The following PDE8A variants were observed in gnomAD, a reference collection of about 807,000 sequenced individuals.
PDE8A encodes the protein phosphodiesterase 8A.
Under a neutral mutation model 105.0 loss-of-function variants are expected in PDE8A, and 59 were observed. That is an observed-to-expected ratio of 0.56 (90% CI 0.46 to 0.70). The LOEUF is 0.70. PDE8A is among the 30% of genes least tolerant of loss of function. The pLI is 0.00. For synonymous variants in PDE8A, 355 were observed against 371.9 expected (o/e 0.95, Z 0.52); for missense variants, 1,014 against 1,045.9 (o/e 0.97, Z 0.42).
At chr15:85,120,637 A>G in intron 17 of PDE8A, 160 bp from the exon 18 acceptor site, 1 of 573,838 alleles carries the variant, frequency 1.7e-6, no homozygotes, top group Non-Finnish European at 3.1e-6. Flanking sequence ...TAACTGTTTC[A>G]GGGTGGAGAT....
chr15:85,094,821 G>A (rs1012174831), intron 8 of PDE8A, among the ~76,000 whole-genome samples: 5 of 152,028 alleles, frequency 3.3e-5, no homozygotes, highest in African/African-American at 7.2e-5. Flanking sequence ...CTCCTTGTCC[G>A]GAATCCTCCA....
In PDE8A at chr15:85,097,908, T is replaced by C. The variant is rs748098663; in HGVS notation, c.853-40T>C. 4 of 1,135,206 alleles carry C rather than the reference T, an allele frequency of 3.5e-6. No individual in the cohort carries two copies. The African/African-American group carries it at 6.1e-5, about 17-fold the overall frequency. 70.3% of individuals were successfully genotyped at this position (1,135,206 alleles called of 1,614,324 possible). On this transcript the variant is annotated intron_variant, in intron 8 of 21. Coordinates refer to ENST00000394553, the MANE Select transcript of PDE8A (RefSeq NM_002605.3). ...TGGAAAATGTTCTTGGGTTTATGTT[T>C]TCAACACAAAGTATGACGATGCTTA...
rs1204467476 is a variant in PDE8A at position 85,113,992 on chromosome 15, AGAT to A, written c.1312_1314del (p.Asp438del). 1 of 1,613,974 alleles carries A rather than the reference AGAT, an allele frequency of 6.2e-7. No homozygotes were observed. The highest frequency in any genetic ancestry group is 1.3e-5 in the African/African-American group (1 of 74,934). Reference sequence around the variant, plus strand: ...TATATTCACCACAGTTTGGTGCTAAAGATGATGATCCCCATGCCAATGACCTTG... The same window carrying A: ...TATATTCACCACAGTTTGGTGCTAAAGATGATCCCCATGCCAATGACCTTG... On this transcript the variant is annotated inframe_deletion, in exon 14 of 22. Coordinates refer to ENST00000394553, the MANE Select transcript of PDE8A (RefSeq NM_002605.3).
chr15:85,136,166 G>A (rs1596554089), intron 20 of PDE8A, among the ~76,000 whole-genome samples: 4 of 152,206 alleles, frequency 2.6e-5, no homozygotes, highest in Admixed American at 2.6e-4. Context: ...CTCTAGGCCA[G>A]TAGCCTGTAA....
intron 5 of PDE8A, among the ~76,000 whole-genome samples, chr15:85,078,402 T>G (rs375414519): frequency 6.6e-6 from 1 of 151,464 alleles, no homozygotes; most frequent in South Asian, 2.1e-4. Context: ...AAAAATTAGC[T>G]GGGCATGGTG....
At chr15:85,118,348 C>T (rs2082128376) in intron 17 of PDE8A, among the ~76,000 whole-genome samples, 1 of 152,122 alleles carries the variant, frequency 6.6e-6, no homozygotes, top group Non-Finnish European at 1.5e-5. Context: ...CACTCCTCAA[C>T]CCCCCACATC....
chr15:85,051,784 G>A (rs1400169294), intron 1 of PDE8A, among the ~76,000 whole-genome samples: 1 of 152,068 alleles, frequency 6.6e-6, no homozygotes, highest in Non-Finnish European at 1.5e-5. Flanking sequence ...TGCAAAGGAC[G>A]TGATCGTTTT....
intron 1 of PDE8A, among the ~76,000 whole-genome samples, chr15:85,026,317 G>A (rs1444908486): frequency 1.3e-5 from 2 of 152,102 alleles, no homozygotes; most frequent in African/African-American, 4.8e-5. Context: ...CTCCACATCT[G>A]ATGTCTGGGC....
At chr15:85,130,411 A>G (rs753849480) in intron 20 of PDE8A, among the ~76,000 whole-genome samples, 4 of 152,094 alleles carry the variant, frequency 2.6e-5, no homozygotes, top group Non-Finnish European at 4.4e-5. Flanking sequence ...GTTTTGGTTC[A>G]TTTCACTGTT....
rs138337881 is a variant in PDE8A, at chr15:84,997,673, A to G, written c.186+15325A>G. 4.6e-3 allele frequency among the ~76,000 whole-genome samples: 695 copies of G among 152,056 alleles called. 10 individuals are homozygous for G. Among genetic ancestry groups the G allele is most frequent in the African/African-American group, 0.016 (661 of 41,442 alleles). ...AATGGTGCGATCTTGGCTCACCGCA[A>G]TCCCTGCCTCCCAGGTTCAAGCAAT... On this transcript the variant is annotated intron_variant, in intron 1 of 21. Coordinates refer to ENST00000394553, the MANE Select transcript of PDE8A (RefSeq NM_002605.3).
intron 3 of PDE8A, among the ~76,000 whole-genome samples, chr15:85,074,409 C>T (rs28522595): frequency 0.089 from 13,509 of 152,208 alleles, 1,664 homozygotes; most frequent in African/African-American, 0.28. Flanking sequence ...AAGACTGGGG[C>T]GGGGGCATTT....
At chr15:85,037,877 T>A (rs2080733051) in intron 1 of PDE8A, among the ~76,000 whole-genome samples, 1 of 152,264 alleles carries the variant, frequency 6.6e-6, no homozygotes. Flanking sequence ...ATAATCTCTA[T>A]GGAAACAAAG....
At chr15:85,083,093 A>G (rs987075835) in intron 5 of PDE8A, among the ~76,000 whole-genome samples, 1 of 152,228 alleles carries the variant, frequency 6.6e-6, no homozygotes, top group African/African-American at 2.4e-5. Context: ...CCCCCTGTGA[A>G]ATACAGGCGC....
In PDE8A at chr15:85,064,390, G is replaced by A. The variant is rs747082363; in HGVS notation, c.207G>A (p.Gln69=). The A allele has an allele frequency of 1.2e-6, 2 of 1,610,170 alleles. No individual in the cohort carries two copies. The highest frequency in any genetic ancestry group is 1.7e-5 in the Admixed American group (1 of 59,930). ...SGKKVAVADV[Q]FGPMRFHQDQ... ...TACAGGTAGCAGTAGCTGATGTGCA[G>A]TTTGGCCCCATGAGATTTCATCAAG... The change falls in exon 2 of 22, where the codon CAG becomes CAA. Residue 69 remains glutamine (Q), a synonymous_variant. Transcript: ENST00000394553.
intron 1 of PDE8A, among the ~76,000 whole-genome samples, chr15:85,007,282 A>G (rs1305815157): frequency 6.6e-6 from 1 of 151,886 alleles, no homozygotes; most frequent in African/African-American, 2.4e-5. Flanking sequence ...GCTTCTCAAC[A>G]CGATTCAGCA....
intron 1 of PDE8A, among the ~76,000 whole-genome samples, chr15:85,023,474 CTTTG>C (rs2080462475): frequency 6.6e-6 from 1 of 152,080 alleles, no homozygotes; most frequent in African/African-American, 2.4e-5. Context: ...GAGGGTTGGA[CTTTG>C]TTTGGAGACG....
chr15:85,018,910 T>G (rs987201458), intron 1 of PDE8A, among the ~76,000 whole-genome samples: 4 of 152,240 alleles, frequency 2.6e-5, no homozygotes, highest in African/African-American at 9.6e-5. Context: ...CCATTTACAT[T>G]AAGGTTATTT....
At chr15:85,036,755 G>T (rs1487489536) in intron 1 of PDE8A, among the ~76,000 whole-genome samples, 1 of 152,090 alleles carries the variant, frequency 6.6e-6, no homozygotes, top group Non-Finnish European at 1.5e-5. Flanking sequence ...GCAGCAGGAG[G>T]GACACAGTAG....
intron 6 of PDE8A, among the ~76,000 whole-genome samples, chr15:85,083,976 C>A (rs2081508416): frequency 6.6e-6 from 1 of 151,930 alleles, no homozygotes; most frequent in African/African-American, 2.4e-5. Context: ...AATCTATTAA[C>A]ATTAGTTATC....
Sources: gnomAD v4.1 joint callset for allele counts (sites outside exome capture counted in the v4.1 genomes callset) on GRCh38, gnomAD v4.1.1 for gene constraint, MANE v1.5 for transcripts, NCBI Gene and HGNC (gene_info 2026-07-23, HGNC 2026-07-21) for gene names.